The following PDE11A variants were observed in gnomAD, a reference collection of about 807,000 sequenced individuals.
The protein encoded by PDE11A is phosphodiesterase 11A.
Under a neutral mutation model 100.5 loss-of-function variants are expected in PDE11A, and 100 were observed. The observed-to-expected ratio is 1.00, with a 90% CI of 0.85 to 1.18. The LOEUF is 1.18. Among genes scored for constraint, PDE11A ranks in the 50% most tolerant of loss-of-function variants. PDE11A has a pLI of 0.00. For synonymous variants in PDE11A, 381 were observed against 420.8 expected (o/e 0.91, Z 1.16); for missense variants, 1,141 against 1,152.6 (o/e 0.99, Z 0.15).
intron 9 of PDE11A, among the ~76,000 whole-genome samples, chr2:177,812,293 A>G (rs1055694609): frequency 3.9e-5 from 6 of 152,130 alleles, no homozygotes; most frequent in Non-Finnish European, 8.8e-5. Flanking sequence ...CCCAAGGTCA[A>G]TAGCTACTGA....
At chr2:177,752,270 C>G (rs917121585) in intron 10 of PDE11A, among the ~76,000 whole-genome samples, 2 of 152,186 alleles carry the variant, frequency 1.3e-5, no homozygotes, top group Non-Finnish European at 2.9e-5. Context: ...TGAAATGTGG[C>G]CTGTCCTGCT....
At chr2:178,025,829 G>A (rs1266375166) in intron 1 of PDE11A, among the ~76,000 whole-genome samples, 2 of 152,132 alleles carry the variant, frequency 1.3e-5, no homozygotes, top group Non-Finnish European at 2.9e-5. Context: ...TAACCAGAAG[G>A]CACCTTTTTT....
In PDE11A at chr2:177,683,007, G is replaced by T. The variant is rs1447590485; in HGVS notation, c.2346-2104C>A. Among the ~76,000 whole-genome samples the T allele has an allele frequency of 2.0e-5, 3 of 152,220 alleles. No homozygotes were observed. In the East Asian group the frequency reaches 5.8e-4, roughly 29 times the overall value. Reference sequence around the variant, plus strand: ...ATCAGACTAGGATCTCAGAAACTTAGTGCTGACCCTCTGTACTGGGGGACA... The same window carrying T: ...ATCAGACTAGGATCTCAGAAACTTATTGCTGACCCTCTGTACTGGGGGACA... On this transcript the variant is annotated intron_variant, in intron 15 of 19. Coordinates refer to ENST00000286063, the MANE Select transcript of PDE11A (RefSeq NM_016953.4).
intron 1 of PDE11A, among the ~76,000 whole-genome samples, chr2:178,045,028 G>A (rs12613904): frequency 0.95 from 144,094 of 152,298 alleles, 68,686 homozygotes; most frequent in East Asian, 1. Flanking sequence ...TATGGCTGTA[G>A]CTTCAGTGCC....
intron 2 of PDE11A, chr2:177,997,372 T>G: frequency 1.2e-6 from 1 of 837,436 alleles, no homozygotes; most frequent in Non-Finnish European, 2.1e-6. Context: ...TCTGGGGTGG[T>G]GAACCTGAAG....
At chr2:178,071,084 T>C (rs1251054346) in intron 1 of PDE11A, among the ~76,000 whole-genome samples, 1 of 152,218 alleles carries the variant, frequency 6.6e-6, no homozygotes, top group Non-Finnish European at 1.5e-5. Context: ...ACTTAGAGAA[T>C]GAAGCATTAT....
intron 2 of PDE11A, among the ~76,000 whole-genome samples, chr2:177,915,114 C>T (rs1194313817): frequency 1.3e-5 from 2 of 152,026 alleles, no homozygotes; most frequent in East Asian, 3.9e-4. Context: ...TAGACCCTGC[C>T]CAACACACAG....
chr2:177,703,199 ATAT>A (rs1328497113), intron 13 of PDE11A, among the ~76,000 whole-genome samples: 2 of 152,138 alleles, frequency 1.3e-5, no homozygotes, highest in Non-Finnish European at 2.9e-5. Flanking sequence ...TATAATACTA[ATAT>A]TATTATTAAT....
chr2:177,859,470 G>A (rs2083906556), intron 5 of PDE11A, among the ~76,000 whole-genome samples: 1 of 151,566 alleles, frequency 6.6e-6, no homozygotes, highest in Non-Finnish European at 1.5e-5. Flanking sequence ...TAAAACATAT[G>A]AAGCAAAGGT....
chr2:177,993,936 ATTT>A (rs10622468), intron 2 of PDE11A, among the ~76,000 whole-genome samples: 1 of 141,008 alleles, frequency 7.1e-6, no homozygotes, highest in Non-Finnish European at 1.5e-5. Flanking sequence ...GCAAATGTAA[ATTT>A]TTTTTTTTTT....
chr2:177,911,037 AC>A (rs555309594), intron 2 of PDE11A, among the ~76,000 whole-genome samples: 5 of 152,322 alleles, frequency 3.3e-5, no homozygotes, highest in Non-Finnish European at 7.4e-5. Context: ...AGGTTTTCCC[AC>A]CTACAGATAA....
chr2:177,913,960 A>C (rs2084916777), intron 2 of PDE11A, among the ~76,000 whole-genome samples: 1 of 152,154 alleles, frequency 6.6e-6, no homozygotes, highest in East Asian at 1.9e-4. Context: ...ATCATCCTCC[A>C]AAAAGGCTCT....
intron 2 of PDE11A, among the ~76,000 whole-genome samples, chr2:178,009,419 A>G (rs1574338970): frequency 6.6e-6 from 1 of 152,216 alleles, no homozygotes; most frequent in African/African-American, 2.4e-5. Context: ...TCAGTATGGA[A>G]CTTAAATTAT....
At chr2:177,701,595 T>A (rs995925624) in intron 13 of PDE11A, among the ~76,000 whole-genome samples, 1 of 152,178 alleles carries the variant, frequency 6.6e-6, no homozygotes, top group Non-Finnish European at 1.5e-5. Flanking sequence ...ATCGAAGTGC[T>A]ATGGACGTTC....
At chr2:177,979,756 G>A (rs905901823) in intron 2 of PDE11A, among the ~76,000 whole-genome samples, 4 of 149,230 alleles carry the variant, frequency 2.7e-5, no homozygotes, top group African/African-American at 4.9e-5. Flanking sequence ...GACTACAGGC[G>A]CCTGCCACCA....
chr2:177,719,604 A>G lies in PDE11A; in HGVS notation c.2044-7726T>C, dbSNP rs1019419971. Among the ~76,000 whole-genome samples the G allele has an allele frequency of 3.3e-5, 5 of 152,270 alleles. No individual in the cohort carries two copies. The Middle Eastern group carries it at 0.01, about 311-fold the overall frequency. ...GTGCCTCCTCTAGAAGAGTCTGCAC[A>G]CCATATTCCTAATCTGTGTCATCGT... On this transcript the variant is annotated intron_variant, in intron 12 of 19. Transcript: ENST00000286063.
chr2:178,054,604 T>G (rs568485981), intron 1 of PDE11A, among the ~76,000 whole-genome samples: 15 of 152,218 alleles, frequency 9.9e-5, no homozygotes, highest in Admixed American at 6.5e-4. Context: ...ACCCATCTGA[T>G]AAAGGGCTAA....
At chr2:177,643,386 C>T (rs1234033317) in intron 19 of PDE11A, among the ~76,000 whole-genome samples, 4 of 152,084 alleles carry the variant, frequency 2.6e-5, no homozygotes, top group Non-Finnish European at 1.5e-5. Flanking sequence ...AATGGTGACT[C>T]TTGTTATGTT....
chr2:177,989,886 A>C (rs1252553373), intron 2 of PDE11A, among the ~76,000 whole-genome samples: 1 of 152,228 alleles, frequency 6.6e-6, no homozygotes, highest in Non-Finnish European at 1.5e-5. Context: ...CCAGCTTATC[A>C]CATTATCTGG....
Sources: allele counts gnomAD v4.1 joint callset (sites outside exome capture counted in the v4.1 genomes callset), GRCh38; gene constraint gnomAD v4.1.1; transcripts MANE v1.5; gene names NCBI Gene and HGNC (gene_info 2026-07-23, HGNC 2026-07-21).